Variants in MYRFL observed in about 807,000 individuals in gnomAD.
MYRFL encodes myelin regulatory factor like, also known as myelin regulatory factor-like protein.
In MYRFL, 88 loss-of-function variants were observed where a neutral mutation model predicts 109.4. That is an observed-to-expected ratio of 0.80 (90% CI 0.68 to 0.96). The LOEUF is 0.96. Among genes scored for constraint, MYRFL ranks in the 40% least tolerant of loss-of-function variants. MYRFL has a pLI of 0.00. For missense variants in MYRFL, 957 were observed against 954.9 expected (o/e 1.00, Z -0.03); for synonymous variants, 324 against 320.9 (o/e 1.01, Z -0.10).
rs189791911 is a variant in MYRFL, at chr12:69,936,757, A to G, written c.2224+125A>G. 3.2e-5 allele frequency: 26 copies of G among 822,048 alleles called. No homozygotes were observed. In the African/African-American group the frequency reaches 3.8e-4, roughly 12 times the overall value. 50.9% of individuals were successfully genotyped at this position (822,048 alleles called of 1,614,324 possible). A position where few individuals can be genotyped will look rare whatever the true frequency, so the allele number is the denominator to read the frequency against. ...TTCCATGCTTCTATTTGGGGTGGCAAAATCTTTAAAACACAAATACACAAC... is the reference window on the plus strand; with the variant it reads ...TTCCATGCTTCTATTTGGGGTGGCAGAATCTTTAAAACACAAATACACAAC... On this transcript the variant is annotated intron_variant, in intron 19 of 24. Transcript: ENST00000552032.
chr12:69,841,599 A>G (rs7315960), intron 1 of MYRFL, among the ~76,000 whole-genome samples: 47,187 of 152,004 alleles, frequency 0.31, 7,722 homozygotes, highest in Admixed American at 0.37. Context: ...CACTTTCCTG[A>G]CCACACCACA....
chr12:69,879,052 G>C lies in MYRFL; in HGVS notation c.162G>C (p.Pro54=), dbSNP rs1046375702. The stretch of plus-strand genomic sequence containing the variant: ...GGCAACGCCAGCTCCCAGACACCCC[G>C]CCCTATTCTGCATCCGACTCATGCT... The part of the protein sequence containing the change: ...GALQRQLPDT[P]PYSASDSCSP... Residue 54 remains proline (P), a synonymous_variant, in exon 3 of 25, where the codon CCG becomes CCC. Coordinates refer to ENST00000552032, the MANE Select transcript of MYRFL (RefSeq NM_182530.3). The C allele has an allele frequency of 2.8e-6, 2 of 702,790 alleles. No individual in the cohort carries two copies. Among genetic ancestry groups the C allele is most frequent in the East Asian group, 2.7e-5 (1 of 37,296 alleles). The allele number at this position is 702,790 out of a possible 1,614,324, so 43.5% of individuals were successfully genotyped here.
At chr12:69,857,498 A>C (rs781706539) in intron 2 of MYRFL, among the ~76,000 whole-genome samples, 10 of 151,882 alleles carry the variant, frequency 6.6e-5, no homozygotes, top group Non-Finnish European at 1.3e-4. Flanking sequence ...ACATTCTAAC[A>C]AAATTGAGCC....
intron 2 of MYRFL, among the ~76,000 whole-genome samples, chr12:69,856,497 C>T (rs928428278): frequency 6.6e-6 from 1 of 151,868 alleles, no homozygotes; most frequent in Non-Finnish European, 1.5e-5. Context: ...GTGGTGGTAC[C>T]ACTTTGTGTT....
chr12:69,951,872 T>C (rs182848465), intron 19 of MYRFL, among the ~76,000 whole-genome samples: 7 of 152,326 alleles, frequency 4.6e-5, no homozygotes, highest in African/African-American at 1.7e-4. Context: ...CTTCACTATA[T>C]GCATTTGAAT....
intron 1 of MYRFL, among the ~76,000 whole-genome samples, chr12:69,854,746 T>G (rs981393088): frequency 2.0e-5 from 3 of 152,182 alleles, no homozygotes; most frequent in Non-Finnish European, 4.4e-5. Context: ...ACTTCTTACA[T>G]GCATATATGG....
chr12:69,858,976 A>G (rs973847552), intron 2 of MYRFL, among the ~76,000 whole-genome samples: 5 of 151,910 alleles, frequency 3.3e-5, no homozygotes, highest in African/African-American at 9.7e-5. Context: ...TAAGCATTCA[A>G]TGCTGTACAT....
chr12:69,846,155 A>T, intron 1 of MYRFL, among the ~76,000 whole-genome samples: 3 of 81,000 alleles, frequency 3.7e-5, no homozygotes, highest in Admixed American at 1.6e-4. Context: ...AGTACTAGAT[A>T]CTTTTGTATG....
chr12:69,837,921 G>A (rs1883043561), intron 1 of MYRFL, among the ~76,000 whole-genome samples: 1 of 152,126 alleles, frequency 6.6e-6, no homozygotes, highest in African/African-American at 2.4e-5. Context: ...CATTCTTGTA[G>A]CCTCTGCACC....
At chr12:69,866,567 G>A (rs1219724455) in intron 2 of MYRFL, among the ~76,000 whole-genome samples, 2 of 152,122 alleles carry the variant, frequency 1.3e-5, no homozygotes, top group African/African-American at 4.8e-5. Flanking sequence ...GGTACTAGAG[G>A]TGGGATTCAG....
intron 6 of MYRFL, among the ~76,000 whole-genome samples, chr12:69,887,903 G>A (rs1172323193): frequency 1.3e-5 from 2 of 152,100 alleles, no homozygotes; most frequent in Non-Finnish European, 2.9e-5. Flanking sequence ...AAGAAATGAG[G>A]GGTCCATGGG....
At chr12:69,886,723 C>T in intron 5 of MYRFL, 97 bp from the exon 6 acceptor site, 1 of 1,402,090 alleles carries the variant, frequency 7.1e-7, no homozygotes, top group Admixed American at 2.1e-5. Context: ...AGTCACTCTG[C>T]CTTACACATG....
At chr12:69,929,978 T>G (rs1955218952) in intron 15 of MYRFL, among the ~76,000 whole-genome samples, 1 of 152,214 alleles carries the variant, frequency 6.6e-6, no homozygotes. Context: ...ACTCAATATT[T>G]TAGTGAATCT....
intron 14 of MYRFL, among the ~76,000 whole-genome samples, chr12:69,927,006 A>C (rs1955117464): frequency 7.8e-6 from 1 of 128,316 alleles, no homozygotes; most frequent in South Asian, 2.4e-4. Flanking sequence ...GTACAATGGC[A>C]CAATCTTGGC....
At chr12:69,899,682 G>A (rs751326638) in intron 10 of MYRFL, among the ~76,000 whole-genome samples, 25 of 152,166 alleles carry the variant, frequency 1.6e-4, no homozygotes, top group Non-Finnish European at 2.9e-4. Context: ...TTGTATGAGG[G>A]TTAGACCTAG....
chr12:69,938,111 A>G (rs1231174726), intron 19 of MYRFL, among the ~76,000 whole-genome samples: 1 of 152,224 alleles, frequency 6.6e-6, no homozygotes, highest in African/African-American at 2.4e-5. Context: ...ATGGAGTAGA[A>G]CTAAAAACTT....
intron 15 of MYRFL, among the ~76,000 whole-genome samples, chr12:69,931,721 C>T (rs1173221807): frequency 2.0e-5 from 3 of 152,146 alleles, no homozygotes; most frequent in Admixed American, 1.3e-4. Flanking sequence ...TTAAGTAGCA[C>T]CTCATTTAAG....
Position 69,936,621 on chromosome 12 carries a change from G to C in MYRFL, c.2213G>C (p.Arg738Thr). The change falls in exon 19 of 25, where the codon AGG (arginine) becomes ACG (threonine). Residue 738 changes from arginine (R) to threonine (T), a missense_variant. By Grantham distance (71) the Arg-to-Thr change is moderately conservative. Coordinates refer to ENST00000552032, the MANE Select transcript of MYRFL (RefSeq NM_182530.3). ...TCTGAGGAGAAGGAATTCCATCAGA[G>C]GCGATGGTCAGGTAAATGATGTTCA... Reference protein sequence around the residue: ...RQSEEKEFHQRRWSEDKSKSV... With the variant: ...RQSEEKEFHQTRWSEDKSKSV... 3 of 1,525,858 alleles carry C rather than the reference G, an allele frequency of 2.0e-6. No individual in the cohort carries two copies. Among genetic ancestry groups the C allele is most frequent in the Non-Finnish European group, 1.8e-6 (2 of 1,140,714 alleles). The allele number at this position is 1,525,858 out of a possible 1,614,324, so 94.5% of individuals were successfully genotyped here.
intron 13 of MYRFL, among the ~76,000 whole-genome samples, chr12:69,912,296 AT>A (rs1406114591): frequency 6.6e-6 from 1 of 152,194 alleles, no homozygotes; most frequent in Non-Finnish European, 1.5e-5. Flanking sequence ...CAGGTTTTTT[AT>A]TGTGGTAAAA....
Sources: gnomAD v4.1 joint callset for allele counts (sites outside exome capture counted in the v4.1 genomes callset) on GRCh38, gnomAD v4.1.1 for gene constraint, MANE v1.5 for transcripts, NCBI Gene and HGNC (gene_info 2026-07-23, HGNC 2026-07-21) for gene names.